Variants in ZSCAN30 observed in about 807,000 individuals in gnomAD.
The protein encoded by ZSCAN30 is zinc finger and SCAN domain-containing protein 30.
A neutral mutation model predicts 44.3 loss-of-function variants in ZSCAN30; 37 were observed. The observed-to-expected ratio is 0.84, with a 90% CI of 0.64 to 1.10. The LOEUF (loss-of-function observed/expected upper bound fraction) is 1.10, where lower values mean the gene tolerates loss of function less well. Ranked by LOEUF, ZSCAN30 falls within the 50% of genes least tolerant of loss-of-function variation. The probability of loss-of-function intolerance (pLI) is 0.00; values close to 1 mark genes in which losing one functional copy is unlikely to be tolerated. For missense variants in ZSCAN30, 549 were observed against 582.6 expected (o/e 0.94, Z 0.59); for synonymous variants, 181 against 204.6 (o/e 0.88, Z 0.98).
At chr18:35,272,083 G>A (rs894215905) in intron 1 of ZSCAN30, among the ~76,000 whole-genome samples, 4 of 152,236 alleles carry the variant, frequency 2.6e-5, no homozygotes, top group Non-Finnish European at 4.4e-5. Context: ...ACAGTGCAGC[G>A]GCTGGCTGAA....
At chr18:35,263,687 T>C in intron 2 of ZSCAN30, 30 bp from the exon 3 acceptor site, 1 of 1,611,850 alleles carries the variant, frequency 6.2e-7, no homozygotes, top group Non-Finnish European at 8.5e-7. Context: ...AGCACTATCA[T>C]TCTGAGGATA....
chr18:35,264,937 A>G (rs951756602), intron 1 of ZSCAN30, among the ~76,000 whole-genome samples: 1 of 152,020 alleles, frequency 6.6e-6, no homozygotes, highest in Admixed American at 6.6e-5. Context: ...ACGAGGTCAG[A>G]AGATCGAGAC....
At chr18:35,270,277 A>C (rs1282408814) in intron 1 of ZSCAN30, 1 of 152,192 alleles carries the variant, frequency 6.6e-6, no homozygotes, top group Non-Finnish European at 1.5e-5. Context: ...ATAATAGATA[A>C]ATTGAATTTT....
intron 1 of ZSCAN30, among the ~76,000 whole-genome samples, chr18:35,265,157 A>G (rs1393602097): frequency 2.0e-5 from 3 of 151,976 alleles, no homozygotes; most frequent in East Asian, 3.9e-4. Context: ...AAAAAAAAAA[A>G]ATTACGCCCA....
chr18:35,287,550 C>A (rs1325869758), intron 1 of ZSCAN30, among the ~76,000 whole-genome samples: 1 of 77,182 alleles, frequency 1.3e-5, no homozygotes, highest in Non-Finnish European at 2.5e-5. Context: ...AGAAATGGTA[C>A]AGAACAACTG....
intron 1 of ZSCAN30, chr18:35,285,184 A>G (rs1569085636): frequency 6.6e-6 from 1 of 152,476 alleles, no homozygotes; most frequent in Non-Finnish European, 1.5e-5. Flanking sequence ...CCATCTCAAA[A>G]AAAGAGAAAA....
At chr18:35,273,151 T>TA (rs2044313533) in intron 1 of ZSCAN30, among the ~76,000 whole-genome samples, 1 of 152,190 alleles carries the variant, frequency 6.6e-6, no homozygotes, top group African/African-American at 2.4e-5. Flanking sequence ...AGAACTTTTT[T>TA]ATCTTCCCAA....
chr18:35,277,301 T>A (rs2044383056), intron 1 of ZSCAN30, among the ~76,000 whole-genome samples: 2 of 152,162 alleles, frequency 1.3e-5, no homozygotes, highest in Admixed American at 1.3e-4. Context: ...TGGGGGACTG[T>A]TGGAAAGGCA....
chr18:35,271,675 C>T (rs1352915651), intron 1 of ZSCAN30, among the ~76,000 whole-genome samples: 3 of 152,244 alleles, frequency 2.0e-5, no homozygotes, highest in Non-Finnish European at 2.9e-5. Context: ...CTTGGGCAGT[C>T]GATCGGACCG....
In ZSCAN30 at chr18:35,252,357, G is replaced by A; in HGVS notation, c.*1093C>T. 6.6e-6 allele frequency: 1 copy of A among 152,384 alleles called. No homozygotes were observed. The highest frequency in any genetic ancestry group is 2.1e-4 in the South Asian group (1 of 4,828). 9.4% of individuals were successfully genotyped at this position (152,384 alleles called of 1,614,324 possible). On this transcript the variant is annotated 3_prime_UTR_variant, in exon 4 of 4. Coordinates refer to ENST00000333206, the MANE Select transcript of ZSCAN30 (RefSeq NM_001112734.4). Reference sequence around the variant, plus strand: ...GTCCCATGACTCTGGGACTCAGGCAGTGGGAAGTATAAAGGAACACGGTGA... The same window carrying A: ...GTCCCATGACTCTGGGACTCAGGCAATGGGAAGTATAAAGGAACACGGTGA...
rs778191047 is a variant in ZSCAN30 at position 35,253,660 on chromosome 18, ACTC to A, written c.1272_1274del (p.Arg424del). On this transcript the variant is annotated inframe_deletion, in exon 4 of 4. Transcript: ENST00000333206. Reference sequence around the variant, plus strand: ...TTCTTTGATGTTCAATAAGGATAGAACTCCTACCAAAAGCCTTACCACATGCAA... The same window carrying A: ...TTCTTTGATGTTCAATAAGGATAGAACTACCAAAAGCCTTACCACATGCAA... The A allele has an allele frequency of 6.2e-7, 1 of 1,613,544 alleles. No individual in the cohort carries two copies. Among genetic ancestry groups the A allele is most frequent in the African/African-American group, 1.3e-5 (1 of 74,718 alleles).
intron 3 of ZSCAN30, 145 bp downstream of exon 3, chr18:35,263,368 C>G: frequency 9.9e-7 from 1 of 1,011,560 alleles, no homozygotes. Flanking sequence ...CTAGGCAGAG[C>G]CTAAGGAAGA....
intron 1 of ZSCAN30, chr18:35,269,431 C>G (rs548055978): frequency 7.0e-6 from 1 of 142,386 alleles, no homozygotes; most frequent in Non-Finnish European, 1.5e-5. Context: ...CAGAGTTTTG[C>G]AAGAGGGTCT....
At chr18:35,288,594 A>G (rs958275757) in intron 1 of ZSCAN30, among the ~76,000 whole-genome samples, 3 of 152,266 alleles carry the variant, frequency 2.0e-5, no homozygotes, top group Non-Finnish European at 4.4e-5. Flanking sequence ...ACTGTGGTAT[A>G]TACATACAAT....
intron 3 of ZSCAN30, among the ~76,000 whole-genome samples, chr18:35,255,344 T>C (rs544166026): frequency 6.6e-6 from 1 of 151,934 alleles, no homozygotes; most frequent in East Asian, 2.0e-4. Flanking sequence ...TAGAAATGGC[T>C]GATATAACTT....
chr18:35,251,217 G>C lies in ZSCAN30; in HGVS notation c.*2233C>G, dbSNP rs1027015008. 1.8e-4 allele frequency: 28 copies of C among 152,232 alleles called. No homozygotes were observed. Among genetic ancestry groups the C allele is most frequent in the African/African-American group, 5.8e-4 (24 of 41,556 alleles). The allele number at this position is 152,232 out of a possible 1,614,324, so 9.4% of individuals were successfully genotyped here. ...TGGGAAAAATAAACACTAATAGAAA[G>C]TACTCCAAAATGTTAACAACGTTTC... On this transcript the variant is annotated 3_prime_UTR_variant, in exon 4 of 4. Coordinates refer to ENST00000333206, the MANE Select transcript of ZSCAN30 (RefSeq NM_001112734.4).
chr18:35,281,350 T>G (rs1048224794), intron 1 of ZSCAN30: 3 of 152,154 alleles, frequency 2.0e-5, no homozygotes, highest in African/African-American at 4.8e-5. Context: ...TTTTGGCCAG[T>G]CCAACAAACA....
chr18:35,270,591 T>A (rs2143730959), intron 1 of ZSCAN30, among the ~76,000 whole-genome samples: 1 of 152,366 alleles, frequency 6.6e-6, no homozygotes. Context: ...TTATTTTATT[T>A]ATTTTTTGAG....
chr18:35,264,453 C>CG lies in ZSCAN30; in HGVS notation c.-102_-101insC. The CG allele has an allele frequency of 9.8e-6, 12 of 1,225,540 alleles. No homozygotes were observed. The highest frequency in any genetic ancestry group is 1.4e-5 in the Non-Finnish European group (12 of 888,162). 75.9% of individuals were successfully genotyped at this position (1,225,540 alleles called of 1,614,324 possible). A position where few individuals can be genotyped will look rare whatever the true frequency, so the allele number is the denominator to read the frequency against. On this transcript the variant is annotated splice_region_variant and 5_prime_UTR_variant, in exon 2 of 4. Coordinates refer to ENST00000333206, the MANE Select transcript of ZSCAN30 (RefSeq NM_001112734.4). ...TTCTGAATTCCAACTCCCCAGGACG[C>CG]TCCTGAGGGTGGACAATGCTCATGT...
Sources: allele counts gnomAD v4.1 joint callset (sites outside exome capture counted in the v4.1 genomes callset), GRCh38; gene constraint gnomAD v4.1.1; transcripts MANE v1.5; gene names NCBI Gene and HGNC (gene_info 2026-07-23, HGNC 2026-07-21).